The following TIMP3 variants were observed in gnomAD, a reference collection of about 807,000 sequenced individuals.
TIMP3 encodes TIMP metallopeptidase inhibitor 3, also known as metalloproteinase inhibitor 3.
TIMP3 carries 11 observed loss-of-function variants against 30.0 expected under a neutral mutation model. That is an observed-to-expected ratio of 0.37 (90% CI 0.23 to 0.61). The LOEUF (loss-of-function observed/expected upper bound fraction) is 0.61. Ranked by LOEUF, TIMP3 falls within the 20% of genes least tolerant of loss-of-function variation. The pLI is 0.70. For synonymous variants in TIMP3, 112 were observed against 111.3 expected (o/e 1.01, Z -0.04); for missense variants, 181 against 276.8 (o/e 0.65, Z 2.45).
chr22:32,833,033 A>T (rs936564974), intron 1 of TIMP3, among the ~76,000 whole-genome samples: 1 of 152,206 alleles, frequency 6.6e-6, no homozygotes, highest in African/African-American at 2.4e-5. Context: ...GCGCCCAGCA[A>T]GATCTACCTT....
chr22:32,815,153 C>A (rs1490925271), intron 1 of TIMP3, among the ~76,000 whole-genome samples: 1 of 152,206 alleles, frequency 6.6e-6, no homozygotes, highest in African/African-American at 2.4e-5. Context: ...GGCATCTTCC[C>A]CTCCCCATTT....
chr22:32,802,224 A>G, intron 1 of TIMP3, 102 bp downstream of exon 1: 1 of 1,470,710 alleles, frequency 6.8e-7, no homozygotes, highest in Non-Finnish European at 9.1e-7. Flanking sequence ...CTGCCCCAGG[A>G]GAGGGGCAGA....
chr22:32,843,904 C>T (rs1441605562), intron 1 of TIMP3, among the ~76,000 whole-genome samples: 1 of 152,038 alleles, frequency 6.6e-6, no homozygotes, highest in Non-Finnish European at 1.5e-5. Flanking sequence ...TCTATGGGGT[C>T]TTTGGAGAGA....
At position 32,801,859 on chromosome 22, in the gene TIMP3, C is replaced by T. The variant is rs985726292; in HGVS notation, c.-143C>T. On this transcript the variant is annotated 5_prime_UTR_variant, in exon 1 of 5. Transcript: ENST00000266085. This position sits in a 1 kb window ranked among gnomAD's most constrained non-coding sequence, Gnocchi z 4.7. ...GCCCCATCCCGTCCCGCCGGGCACT[C>T]GGAGGGCAGCGCGCCGGAGGCCAAG... is the stretch of plus-strand genomic sequence containing the variant. 3.3e-5 allele frequency: 36 copies of T among 1,101,622 alleles called. No homozygotes were observed. The African/African-American group carries it at 5.5e-4, about 17-fold the overall frequency. 68.2% of individuals were successfully genotyped at this position (1,101,622 alleles called of 1,614,324 possible). A position where few individuals can be genotyped will look rare whatever the true frequency, so the allele number is the denominator to read the frequency against.
At chr22:32,839,524 G>T (rs937527045) in intron 1 of TIMP3, among the ~76,000 whole-genome samples, 16 of 152,222 alleles carry the variant, frequency 1.1e-4, no homozygotes, top group African/African-American at 3.6e-4. Flanking sequence ...CCCTCCCCAG[G>T]TAAGTCGGCC....
intron 1 of TIMP3, among the ~76,000 whole-genome samples, chr22:32,831,642 G>C (rs1281837841): frequency 1.3e-5 from 2 of 152,180 alleles, no homozygotes; most frequent in African/African-American, 4.8e-5. Flanking sequence ...GAATTCTTCT[G>C]TATGTAGATT....
At chr22:32,817,027 G>A (rs527856644) in intron 1 of TIMP3, among the ~76,000 whole-genome samples, 40 of 151,642 alleles carry the variant, frequency 2.6e-4, no homozygotes, top group African/African-American at 9.7e-4. Context: ...AGACCAGTCT[G>A]GGTCACATAG....
At chr22:32,818,997 T>C (rs984893559) in intron 1 of TIMP3, among the ~76,000 whole-genome samples, 3 of 152,212 alleles carry the variant, frequency 2.0e-5, no homozygotes, top group Non-Finnish European at 4.4e-5. Context: ...TCTGACACAG[T>C]TATAAATAAC....
chr22:32,862,906 T>G lies in TIMP3; in HGVS notation c.*3529T>G, dbSNP rs1280365299. ...TATTTGTTGCTAAATTTCGTAGCAC[T>G]GTTTACAGTTTTCCTCCATGTTATT... is the stretch of plus-strand genomic sequence containing the variant. On this transcript the variant is annotated 3_prime_UTR_variant, in exon 5 of 5. Transcript: ENST00000266085. The G allele has an allele frequency of 1.3e-5, 2 of 152,660 alleles. No homozygotes were observed. Among genetic ancestry groups the G allele is most frequent in the Admixed American group, 1.3e-4 (2 of 15,282 alleles). The allele number at this position is 152,660 out of a possible 1,614,324, so 9.5% of individuals were successfully genotyped here. A position where few individuals can be genotyped will look rare whatever the true frequency, so the allele number is the denominator to read the frequency against.
chr22:32,808,137 G>A (rs2046816197), intron 1 of TIMP3, among the ~76,000 whole-genome samples: 1 of 152,148 alleles, frequency 6.6e-6, no homozygotes, highest in South Asian at 2.1e-4. Context: ...ATAGCTTTAT[G>A]TATTTATTTT....
At chr22:32,806,457 T>G (rs2046739076) in intron 1 of TIMP3, among the ~76,000 whole-genome samples, 1 of 152,144 alleles carries the variant, frequency 6.6e-6, no homozygotes. Flanking sequence ...TTCCAGCCAG[T>G]ATGGACAAGG....
In TIMP3 at chr22:32,861,744, G is replaced by C. The variant is rs2146309707; in HGVS notation, c.*2367G>C. ...GGTCTTTCGCAAAGCGATGTCAGAG[G>C]GCGGTTTTGAGCTTTCTATAAGCTA... On this transcript the variant is annotated 3_prime_UTR_variant, in exon 5 of 5. Transcript: ENST00000266085. The C allele has an allele frequency of 6.5e-6, 1 of 152,684 alleles. No homozygotes were observed. The highest frequency in any genetic ancestry group is 6.5e-5 in the Admixed American group (1 of 15,302). 9.5% of individuals were successfully genotyped at this position (152,684 alleles called of 1,614,324 possible).
At position 32,807,394 on chromosome 22, in the gene TIMP3, AAT is replaced by A. The variant is rs367926863; in HGVS notation, c.121+5283_121+5284del. On this transcript the variant is annotated intron_variant, in intron 1 of 4. Transcript: ENST00000266085. ...ATTATATATAATATATATTATATAT[AAT>A]ATATATATATTATATTTACATATAT... 3.3e-3 allele frequency among the ~76,000 whole-genome samples: 333 copies of A among 100,588 alleles called. 3 individuals carry two copies. The highest frequency in any genetic ancestry group is 0.017 in the South Asian group (55 of 3,318). 66.0% of individuals were successfully genotyped at this position (100,588 alleles called of 152,430 possible).
rs183225645 is a variant in TIMP3, at chr22:32,842,214, C to T, written c.122-7238C>T. ...ATGCCTGTTTTTCATTCCAGTACGCCGTGATCACTTCTCCAGTTTTCTTGA... is the reference window on the plus strand; with the variant it reads ...ATGCCTGTTTTTCATTCCAGTACGCTGTGATCACTTCTCCAGTTTTCTTGA... On this transcript the variant is annotated intron_variant, in intron 1 of 4. Coordinates refer to ENST00000266085, the MANE Select transcript of TIMP3 (RefSeq NM_000362.5). Among the ~76,000 whole-genome samples, 8 of 152,174 alleles carry T rather than the reference C, an allele frequency of 5.3e-5. No homozygotes were observed. The East Asian group carries it at 5.8e-4, about 11-fold the overall frequency.
intron 1 of TIMP3, among the ~76,000 whole-genome samples, chr22:32,824,447 G>C (rs184434577): frequency 6.6e-6 from 1 of 151,828 alleles, no homozygotes; most frequent in Admixed American, 6.6e-5. Context: ...TTTAAACCCC[G>C]TAGTCATATA....
intron 2 of TIMP3, among the ~76,000 whole-genome samples, chr22:32,851,315 T>A (rs1009300855): frequency 1.3e-5 from 2 of 152,072 alleles, no homozygotes; most frequent in Non-Finnish European, 2.9e-5. Context: ...AGGCAGCAGT[T>A]CCTAAGCCTG....
chr22:32,813,180 C>T (rs1403711320), intron 1 of TIMP3, among the ~76,000 whole-genome samples: 1 of 152,074 alleles, frequency 6.6e-6, no homozygotes, highest in African/African-American at 2.4e-5. Flanking sequence ...TTTATGGTTC[C>T]CCATTCTCTT....
intron 1 of TIMP3, among the ~76,000 whole-genome samples, chr22:32,820,801 G>T (rs2047225028): frequency 6.6e-6 from 1 of 152,226 alleles, no homozygotes; most frequent in Admixed American, 6.5e-5. Flanking sequence ...ACAGATGTGG[G>T]TTCTTGGAAG....
At chr22:32,833,505 G>A (rs1401429159) in intron 1 of TIMP3, among the ~76,000 whole-genome samples, 2 of 152,180 alleles carry the variant, frequency 1.3e-5, no homozygotes, top group Non-Finnish European at 2.9e-5. Context: ...TTAACCTTGG[G>A]ATGGGACTGT....
Sources: allele counts gnomAD v4.1 joint callset (sites outside exome capture counted in the v4.1 genomes callset), GRCh38; gene constraint gnomAD v4.1.1; non-coding constraint Gnocchi (gnomAD v3.1); transcripts MANE v1.5; gene names NCBI Gene and HGNC (gene_info 2026-07-23, HGNC 2026-07-21).